Variants in PDXDC1 observed in about 807,000 individuals in gnomAD.
PDXDC1 encodes the protein pyridoxal dependent decarboxylase domain containing 1, also known as pyridoxal-dependent decarboxylase domain-containing protein 1.
A neutral mutation model predicts 100.1 loss-of-function variants in PDXDC1; 42 were observed. The observed-to-expected ratio is 0.42, with a 90% CI of 0.33 to 0.54. PDXDC1 has a LOEUF of 0.54. Ranked by LOEUF, PDXDC1 falls within the 20% of genes least tolerant of loss-of-function variation. The probability of loss-of-function intolerance (pLI) is 0.10; values close to 1 mark genes in which losing one functional copy is unlikely to be tolerated. For missense variants in PDXDC1, 636 were observed against 979.2 expected, an observed-to-expected ratio of 0.65 and a Z score of 4.68; for synonymous variants, 260 against 371.7, an observed-to-expected ratio of 0.70 and a Z score of 3.46.
chr16:15,055,721 G>C, intron 16 of PDXDC1: 2 of 385,184 alleles, frequency 5.2e-6, no homozygotes, highest in Non-Finnish European at 9.1e-6. Context: ...GAAGTCTAAA[G>C]AAGGCAAAAA....
chr16:15,142,806 C>T (rs991413915), downstream of PDXDC1, among the ~76,000 whole-genome samples: 3 of 151,942 alleles, frequency 2.0e-5, no homozygotes, highest in Non-Finnish European at 2.9e-5. Flanking sequence ...GTCTGATGCC[C>T]TGCCCCCACG....
At chr16:15,004,503 C>T (rs1301306082) in intron 5 of PDXDC1, among the ~76,000 whole-genome samples, 170 bp downstream of exon 5, 1 of 152,292 alleles carries the variant, frequency 6.6e-6, no homozygotes, top group Non-Finnish European at 1.5e-5. Context: ...GTATTAATAC[C>T]TATTTCATAG....
At chr16:15,090,400 T>TTAG (rs2046084787) in intron 16 of PDXDC1, among the ~76,000 whole-genome samples, 1 of 152,160 alleles carries the variant, frequency 6.6e-6, no homozygotes, top group Admixed American at 6.5e-5. Flanking sequence ...TAAGTGCTTC[T>TTAG]TGCATATTAG....
intron 16 of PDXDC1, chr16:15,065,328 T>G: frequency 6.2e-7 from 1 of 1,613,798 alleles, no homozygotes; most frequent in East Asian, 2.2e-5. Context: ...ATCTGGCGAT[T>G]GTTCCTCTCA....
chr16:15,125,195 G>A (rs1229858664), intron 16 of PDXDC1: 19 of 499,732 alleles, frequency 3.8e-5, no homozygotes, highest in Middle Eastern at 5.6e-4. Context: ...CCTAGATTTC[G>A]GTTGTGTTGG....
chr16:15,035,382 G>C (rs1248463758), intron 21 of PDXDC1, 67 bp from the exon 22 acceptor site: 17 of 789,012 alleles, frequency 2.2e-5, no homozygotes, highest in Non-Finnish European at 3.4e-5. Context: ...GGCTGTGTGA[G>C]GGCAGGTGGT....
chr16:15,093,120 T>C (rs887484753), intron 16 of PDXDC1, among the ~76,000 whole-genome samples: 3 of 152,126 alleles, frequency 2.0e-5, no homozygotes, highest in Non-Finnish European at 2.9e-5. Flanking sequence ...TTATCCTGCC[T>C]CAGCCTCCTG....
At chr16:15,132,589 G>A in intron 16 of PDXDC1, 3 of 734,074 alleles carry the variant, frequency 4.1e-6, no homozygotes, top group South Asian at 1.6e-5. Flanking sequence ...CAGAGACCGA[G>A]GAACGCCATG....
chr16:15,035,805 G>A (rs2043397189), intron 22 of PDXDC1, among the ~76,000 whole-genome samples: 1 of 152,138 alleles, frequency 6.6e-6, no homozygotes, highest in Admixed American at 6.5e-5. Flanking sequence ...GTTTCCTAAT[G>A]AAGATGACCT....
chr16:14,984,452 AGAGT>A (rs1968799707), intron 1 of PDXDC1, among the ~76,000 whole-genome samples: 5 of 87,856 alleles, frequency 5.7e-5, no homozygotes, highest in Admixed American at 1.7e-4. Context: ...AGAGAGAGAG[AGAGT>A]GTGTGTGTGT....
intron 16 of PDXDC1, among the ~76,000 whole-genome samples, chr16:15,100,479 A>G (rs759307026): frequency 2.4e-4 from 37 of 152,168 alleles, no homozygotes; most frequent in Admixed American, 7.9e-4. Context: ...ATTTGGCATC[A>G]TTGAGATTTT....
Position 15,037,919 on chromosome 16 carries a change from G to A in PDXDC1, c.*1644G>A. 3.1e-6 allele frequency: 2 copies of A among 654,364 alleles called. No individual in the cohort carries two copies. The highest frequency in any genetic ancestry group is 4.7e-5 in the South Asian group (2 of 42,816). 40.5% of individuals were successfully genotyped at this position (654,364 alleles called of 1,614,324 possible). ...TGAAAGTCATTTGAAAGACACTGAG[G>A]AGGGAAGGAGGCCTAAGACCCAACA... On this transcript the variant is annotated 3_prime_UTR_variant, in exon 23 of 23. Coordinates refer to ENST00000396410, the MANE Select transcript of PDXDC1 (RefSeq NM_015027.4).
At chr16:15,128,370 G>GCCCA in intron 16 of PDXDC1, 1 of 1,598,454 alleles carries the variant, frequency 6.3e-7, no homozygotes, top group Non-Finnish European at 8.5e-7. Context: ...ACAGCATGAT[G>GCCCA]CCCACGTGGG....
chr16:15,030,407 A>C (rs1348371185), intron 16 of PDXDC1, among the ~76,000 whole-genome samples: 1 of 150,346 alleles, frequency 6.7e-6, no homozygotes, highest in African/African-American at 2.4e-5. Flanking sequence ...TTAGCCAGGC[A>C]TGGTGGTACA....
At chr16:15,044,238 T>C in intron 16 of PDXDC1, 1 of 796,356 alleles carries the variant, frequency 1.3e-6, no homozygotes, top group African/African-American at 1.7e-5. Flanking sequence ...GGGTGTGCCC[T>C]TCTTGGGTTT....
At chr16:14,990,172 G>A (rs1330049846) in intron 1 of PDXDC1, 825 of 1,336,412 alleles carry the variant, frequency 6.2e-4, no homozygotes, top group Admixed American at 1.5e-3. Flanking sequence ...GGGCCGCCAG[G>A]CGCGGGCAAG....
chr16:15,104,656 G>T, intron 16 of PDXDC1: 3 of 1,597,916 alleles, frequency 1.9e-6, no homozygotes, highest in Non-Finnish European at 2.5e-6. Flanking sequence ...TGAGTTGGAG[G>T]AGGTGGCTGG....
intron 16 of PDXDC1, chr16:15,065,359 G>C: frequency 6.2e-7 from 1 of 1,613,246 alleles, no homozygotes; most frequent in Non-Finnish European, 8.5e-7. Context: ...AGCAGAAGAC[G>C]AGCTGGTACT....
chr16:15,083,748 C>T (rs923732971), intron 16 of PDXDC1: 18 of 863,784 alleles, frequency 2.1e-5, no homozygotes, highest in Non-Finnish European at 3.1e-5. Context: ...CGGAGTTTCG[C>T]TCTTGTTGCC....
Sources: gnomAD v4.1 joint callset for allele counts (sites outside exome capture counted in the v4.1 genomes callset) on GRCh38, gnomAD v4.1.1 for gene constraint, MANE v1.5 for transcripts, NCBI Gene and HGNC (gene_info 2026-07-23, HGNC 2026-07-21) for gene names.